Variants in PITPNC1 observed in about 807,000 individuals in gnomAD.
PITPNC1 encodes phosphatidylinositol transfer protein cytoplasmic 1.
Under a neutral mutation model 44.7 loss-of-function variants are expected in PITPNC1, and 18 were observed. That is an observed-to-expected ratio of 0.40 (90% CI 0.28 to 0.60). The LOEUF (loss-of-function observed/expected upper bound fraction) is 0.60, where lower values mean the gene tolerates loss of function less well. PITPNC1 is among the 20% of genes least tolerant of loss of function. PITPNC1 has a pLI of 0.39. For synonymous variants in PITPNC1, 141 were observed against 149.6 expected (o/e 0.94, Z 0.42); for missense variants, 290 against 418.4 (o/e 0.69, Z 2.68).
intron 5 of PITPNC1, among the ~76,000 whole-genome samples, chr17:67,601,632 A>G (rs1222975306): frequency 2.0e-5 from 3 of 152,018 alleles, no homozygotes; most frequent in Admixed American, 6.6e-5. Context: ...GTGCGTGCCT[A>G]TAGTCCCAGC....
intron 1 of PITPNC1, among the ~76,000 whole-genome samples, chr17:67,398,684 C>CT (rs901855895): frequency 6.6e-6 from 1 of 152,020 alleles, no homozygotes; most frequent in Admixed American, 6.6e-5. Flanking sequence ...TGACCGGGAT[C>CT]TTTTTTTGGT....
intron 1 of PITPNC1, among the ~76,000 whole-genome samples, chr17:67,393,315 T>C (rs2038166762): frequency 6.6e-6 from 1 of 152,096 alleles, no homozygotes; most frequent in Non-Finnish European, 1.5e-5. Context: ...CATTTAACCC[T>C]AAATCCCTAT....
chr17:67,459,941 T>G (rs1022417440), intron 1 of PITPNC1: 5 of 152,312 alleles, frequency 3.3e-5, no homozygotes, highest in African/African-American at 9.6e-5. Context: ...ATAATTACTT[T>G]ATCATCACAA....
chr17:67,469,272 C>T (rs985539827), intron 1 of PITPNC1, among the ~76,000 whole-genome samples: 1 of 152,140 alleles, frequency 6.6e-6, no homozygotes, highest in Non-Finnish European at 1.5e-5. Context: ...TGTAGCCAAG[C>T]ACCCGCCCCA....
chr17:67,530,535 A>T (rs1815923985), intron 1 of PITPNC1, among the ~76,000 whole-genome samples: 1 of 152,130 alleles, frequency 6.6e-6, no homozygotes, highest in Admixed American at 6.5e-5. Context: ...TTGTAACATG[A>T]TTACTTCTGT....
At chr17:67,544,040 G>T (rs747123224) in intron 2 of PITPNC1, among the ~76,000 whole-genome samples, 1 of 152,130 alleles carries the variant, frequency 6.6e-6, no homozygotes, top group South Asian at 2.1e-4. Context: ...TAGTAGAGAC[G>T]GGGTTTTGCC....
At chr17:67,398,493 G>T (rs2038255854) in intron 1 of PITPNC1, among the ~76,000 whole-genome samples, 1 of 137,300 alleles carries the variant, frequency 7.3e-6, no homozygotes, top group African/African-American at 3.2e-5. Context: ...GGCATTGGTT[G>T]TGCGACGTGC....
intron 1 of PITPNC1, among the ~76,000 whole-genome samples, chr17:67,493,115 G>A (rs566147334): frequency 2.6e-5 from 4 of 152,320 alleles, no homozygotes; most frequent in Non-Finnish European, 5.9e-5. Context: ...TGGAATCTCT[G>A]TGTGAAATGG....
At chr17:67,547,145 G>A (rs992525666) in intron 2 of PITPNC1, among the ~76,000 whole-genome samples, 1 of 152,224 alleles carries the variant, frequency 6.6e-6, no homozygotes, top group Non-Finnish European at 1.5e-5. Context: ...CATAATCTCA[G>A]TGCAGAACAT....
intron 5 of PITPNC1, among the ~76,000 whole-genome samples, chr17:67,631,657 A>AAATATATATATATATATAT (rs1555574522): frequency 3.9e-4 from 3 of 7,668 alleles, no homozygotes; most frequent in Non-Finnish European, 8.8e-4. Flanking sequence ...AAAAAAAAAA[A>AAATATATATATATATATAT]ATATATATAT....
At chr17:67,567,757 G>A (rs2041000261) in intron 4 of PITPNC1, among the ~76,000 whole-genome samples, 1 of 151,994 alleles carries the variant, frequency 6.6e-6, no homozygotes, top group Non-Finnish European at 1.5e-5. Context: ...GGTGGATCAC[G>A]AGGTCAGGAG....
chr17:67,632,611 C>T (rs887076232), intron 6 of PITPNC1, among the ~76,000 whole-genome samples: 3 of 140,976 alleles, frequency 2.1e-5, no homozygotes, highest in Non-Finnish European at 4.5e-5. Flanking sequence ...GATGGAGTCT[C>T]GCCCAGGCTG....
At chr17:67,482,332 C>A (rs187730767) in intron 1 of PITPNC1, among the ~76,000 whole-genome samples, 3 of 152,004 alleles carry the variant, frequency 2.0e-5, no homozygotes, top group Non-Finnish European at 4.4e-5. Flanking sequence ...ATTTGGAAGG[C>A]AAACCAAAAA....
intron 1 of PITPNC1, among the ~76,000 whole-genome samples, chr17:67,468,512 C>T (rs1270922401): frequency 3.3e-5 from 5 of 150,034 alleles, no homozygotes; most frequent in Non-Finnish European, 7.4e-5. Context: ...GGCCATTCTC[C>T]TGCCTCAGCC....
chr17:67,603,934 C>T (rs2041574964), intron 5 of PITPNC1, among the ~76,000 whole-genome samples: 1 of 145,192 alleles, frequency 6.9e-6, no homozygotes, highest in Non-Finnish European at 1.5e-5. Context: ...GACTCTGTCT[C>T]ATAGATTTAA....
rs568055893 is a variant in PITPNC1 at position 67,696,318 on chromosome 17, G to T, written c.*3430G>T. ...TCTCTGCAAAAGTTTCAGGGCTAAT[G>T]TATTTATGTGTATTTTTAAATTCTA... On this transcript the variant is annotated 3_prime_UTR_variant, in exon 9 of 9. Transcript: ENST00000581322. 1.3e-5 allele frequency: 2 copies of T among 152,304 alleles called. No individual in the cohort carries two copies. Among genetic ancestry groups the T allele is most frequent in the South Asian group, 2.1e-4 (1 of 4,826 alleles). 9.4% of individuals were successfully genotyped at this position (152,304 alleles called of 1,614,324 possible).
intron 1 of PITPNC1, among the ~76,000 whole-genome samples, chr17:67,399,461 A>G (rs1293975848): frequency 2.0e-5 from 3 of 152,112 alleles, no homozygotes; most frequent in Admixed American, 6.6e-5. Context: ...CTGGGGGCAA[A>G]TGCGTTGTTG....
intron 1 of PITPNC1, among the ~76,000 whole-genome samples, chr17:67,442,223 A>AC (rs2039023320): frequency 9.1e-5 from 9 of 98,992 alleles, no homozygotes; most frequent in Non-Finnish European, 1.2e-4. Flanking sequence ...ATATATATAT[A>AC]TATATATATA....
chr17:67,683,288 T>C (rs962102207), intron 8 of PITPNC1, among the ~76,000 whole-genome samples: 1 of 151,852 alleles, frequency 6.6e-6, no homozygotes, highest in Non-Finnish European at 1.5e-5. Flanking sequence ...ATAATAAAGA[T>C]GAATCATCAT....
Sources: gnomAD v4.1 joint callset for allele counts (sites outside exome capture counted in the v4.1 genomes callset) on GRCh38, gnomAD v4.1.1 for gene constraint, MANE v1.5 for transcripts, NCBI Gene and HGNC (gene_info 2026-07-23, HGNC 2026-07-21) for gene names.